Variants in RNASET2 observed in about 807,000 individuals in gnomAD.
RNASET2 encodes the protein ribonuclease 6.
In RNASET2, 28 loss-of-function variants were observed where a neutral mutation model predicts 33.9. The observed-to-expected ratio is 0.83, with a 90% confidence interval of 0.61 to 1.13. The LOEUF (loss-of-function observed/expected upper bound fraction) is 1.13, where lower values mean the gene tolerates loss of function less well. Ranked by LOEUF, RNASET2 falls within the 50% of genes most tolerant of loss-of-function variation. The pLI is 0.00. For missense variants in RNASET2, 330 were observed against 319.9 expected (o/e 1.03, Z -0.24); for synonymous variants, 123 against 121.0 (o/e 1.02, Z -0.11).
chr6:166,938,194 T>C (rs1280056687), intron 6 of RNASET2, among the ~76,000 whole-genome samples: 4 of 152,152 alleles, frequency 2.6e-5, no homozygotes, highest in African/African-American at 9.7e-5. Flanking sequence ...TTCACTGGTT[T>C]ATTATGACCT....
At chr6:166,940,388 G>T (rs181053247) in intron 5 of RNASET2, among the ~76,000 whole-genome samples, 2 of 152,284 alleles carry the variant, frequency 1.3e-5, no homozygotes, top group Admixed American at 1.3e-4. Flanking sequence ...ATGAAAAGTT[G>T]AAAACAGGAA....
Position 166,956,165 on chromosome 6 carries a change from C to A in RNASET2, c.18G>T (p.Leu6=). The A allele has an allele frequency of 6.5e-7, 1 of 1,549,786 alleles. No individual in the cohort carries two copies. The highest frequency in any genetic ancestry group is 2.4e-5 in the East Asian group (1 of 40,892). MRPAA[L]RGALLGCLCL... The stretch of plus-strand genomic sequence containing the variant: ...AGAGGCAGCCCAGCAGGGCCCCGCG[C>A]AGGGCTGCAGGGCGCATGGTGCCGA... The change falls in exon 1 of 9, where the codon CTG becomes CTT. Residue 6 remains leucine (L), a synonymous_variant. Coordinates refer to ENST00000508775, the MANE Select transcript of RNASET2 (RefSeq NM_003730.6).
intron 4 of RNASET2, chr6:166,943,540 CAAGGGGAGGAAG>C (rs149425096): frequency 0.06 from 19,582 of 327,808 alleles, 773 homozygotes; most frequent in East Asian, 0.16. Flanking sequence ...CTTGGGGGTT[CAAGGGGAGGAAG>C]AAGGGGAGGT....
In RNASET2 at chr6:166,923,168, C is replaced by T. The variant is rs79058901; in HGVS notation, c.*6420G>A. ...GGAGCGCAGTGGCGCAATCTCCACT[C>T]ACTGCAACCTCCAGCCTCCCAGAGG... On this transcript the variant is annotated 3_prime_UTR_variant, in exon 9 of 9. Coordinates refer to ENST00000508775, the MANE Select transcript of RNASET2 (RefSeq NM_003730.6). 0.014 allele frequency among the ~76,000 whole-genome samples: 2,175 copies of T among 151,786 alleles called. 58 individuals are homozygous for T. The highest frequency in any genetic ancestry group is 0.049 in the African/African-American group (2,036 of 41,324).
intron 4 of RNASET2, among the ~76,000 whole-genome samples, chr6:166,945,978 T>C (rs773315806): frequency 3.3e-5 from 5 of 152,148 alleles, no homozygotes; most frequent in Non-Finnish European, 7.4e-5. Flanking sequence ...AAGGCCTCAG[T>C]TACCACCCCC....
At position 166,943,024 on chromosome 6, in the gene RNASET2, G is replaced by T; in HGVS notation, c.327C>A (p.Arg109=). The T allele has an allele frequency of 1.9e-6, 3 of 1,613,600 alleles. No homozygotes were observed. The highest frequency in any genetic ancestry group is 2.5e-6 in the Non-Finnish European group (3 of 1,179,656). The change falls in exon 5 of 9, where the codon CGC becomes CGA. Residue 109 remains arginine (R), a synonymous_variant. Coordinates refer to ENST00000508775, the MANE Select transcript of RNASET2 (RefSeq NM_003730.6). ...AATCAGAGGCTGGGACTTACCAGAAGCGGCTGCGATTGGGAAACGAGTGAA... is the reference window on the plus strand; with the variant it reads ...AATCAGAGGCTGGGACTTACCAGAATCGGCTGCGATTGGGAAACGAGTGAA... ...DVIHSFPNRS[R]FWKHEWEKHG...
chr6:166,935,221 A>T (rs1186348198), intron 6 of RNASET2: 4 of 152,066 alleles, frequency 2.6e-5, no homozygotes, highest in Non-Finnish European at 5.9e-5. Context: ...CAGTTAAAAA[A>T]AAAAAATGTA....
At chr6:166,946,290 C>T (rs1487124085) in intron 4 of RNASET2, among the ~76,000 whole-genome samples, 1 of 152,222 alleles carries the variant, frequency 6.6e-6, no homozygotes, top group Non-Finnish European at 1.5e-5. Context: ...AGATGCCTGG[C>T]GATATGGCAC....
At chr6:166,942,996 A>G (rs1562499116) in intron 5 of RNASET2, 23 bp downstream of exon 5, 2 of 1,604,496 alleles carry the variant, frequency 1.2e-6, no homozygotes, top group Non-Finnish European at 1.7e-6. Context: ...TAATCAAGAC[A>G]GCAATCAGAG....
intron 3 of RNASET2, among the ~76,000 whole-genome samples, chr6:166,948,120 T>TG (rs1013196976): frequency 4.6e-5 from 7 of 152,066 alleles, no homozygotes; most frequent in African/African-American, 1.7e-4. Flanking sequence ...CCAAGGTGGA[T>TG]GGATCACCTG....
chr6:166,946,937 A>G (rs891097414), intron 3 of RNASET2, 198 bp from the exon 4 acceptor site: 25 of 646,560 alleles, frequency 3.9e-5, no homozygotes, highest in Non-Finnish European at 6.1e-5. Flanking sequence ...ATTTCTTTAG[A>G]AGGGAAAAGA....
intron 2 of RNASET2, among the ~76,000 whole-genome samples, chr6:166,949,228 G>A (rs995253860): frequency 2.1e-5 from 3 of 144,890 alleles, no homozygotes; most frequent in Non-Finnish European, 4.5e-5. Context: ...AAAAGGCTGG[G>A]CACAGTGGCT....
Position 166,923,444 on chromosome 6 carries a change from G to A in RNASET2, c.*6144C>T, listed in dbSNP as rs527364989. ...CCTGTTGGCCAGGGTGGTCTTGAAC[G>A]CTTGACCTCAAGTGATCCGCCCACC... On this transcript the variant is annotated 3_prime_UTR_variant, in exon 9 of 9. Transcript: ENST00000508775. Among the ~76,000 whole-genome samples the A allele has an allele frequency of 4.0e-5, 6 of 151,756 alleles. No individual in the cohort carries two copies. Among genetic ancestry groups the A allele is most frequent in the South Asian group, 4.2e-4 (2 of 4,804 alleles).
At chr6:166,951,079 G>A (rs566923540) in intron 2 of RNASET2, among the ~76,000 whole-genome samples, 121 of 152,326 alleles carry the variant, frequency 7.9e-4, no homozygotes, top group South Asian at 3.1e-3. Flanking sequence ...AAGGGGCAGG[G>A]TAAGGAGTGT....
chr6:166,947,930 C>T (rs1009034576), intron 3 of RNASET2, among the ~76,000 whole-genome samples: 6 of 152,088 alleles, frequency 3.9e-5, no homozygotes, highest in African/African-American at 1.2e-4. Flanking sequence ...GAAATGTGTA[C>T]GAGACGTGCA....
intron 4 of RNASET2, among the ~76,000 whole-genome samples, chr6:166,944,684 C>T (rs1025107018): frequency 2.7e-5 from 4 of 150,894 alleles, no homozygotes; most frequent in Admixed American, 1.3e-4. Flanking sequence ...CCCACCCACG[C>T]CCCCACTCAA....
At chr6:166,949,245 T>C (rs1199829547) in intron 2 of RNASET2, among the ~76,000 whole-genome samples, 28 of 139,408 alleles carry the variant, frequency 2.0e-4, no homozygotes, top group African/African-American at 7.5e-4. Flanking sequence ...GGCTCACGCC[T>C]GTAATCTCAG....
intron 5 of RNASET2, 100 bp downstream of exon 5, chr6:166,942,919 T>C: frequency 3.2e-6 from 3 of 946,860 alleles, no homozygotes; most frequent in Non-Finnish European, 5.1e-6. Flanking sequence ...ACAGATTCTG[T>C]TATCTTGCTT....
rs1159736953 is a variant in RNASET2, at chr6:166,924,409, A to AT, written c.*5178dup. On this transcript the variant is annotated 3_prime_UTR_variant, in exon 9 of 9. Coordinates refer to ENST00000508775, the MANE Select transcript of RNASET2 (RefSeq NM_003730.6). The stretch of plus-strand genomic sequence containing the variant: ...CCACCACGCCCGGCCTCTCTTTTCT[A>AT]TTTTATTCATTTATTCACTCCATCA... Among the ~76,000 whole-genome samples, 16 of 152,030 alleles carry AT rather than the reference A, an allele frequency of 1.1e-4. No homozygotes were observed. The highest frequency in any genetic ancestry group is 3.9e-4 in the African/African-American group (16 of 41,394).
Sources: allele counts gnomAD v4.1 joint callset (sites outside exome capture counted in the v4.1 genomes callset), GRCh38; gene constraint gnomAD v4.1.1; transcripts MANE v1.5; gene names NCBI Gene and HGNC (gene_info 2026-07-23, HGNC 2026-07-21).